Variants in TRIM9 observed in about 807,000 individuals in gnomAD.
The protein encoded by TRIM9 is E3 ubiquitin-protein ligase TRIM9.
TRIM9 carries 26 observed loss-of-function variants against 78.3 expected under a neutral mutation model. The ratio of observed to expected loss-of-function variants is 0.33; its 90% CI spans 0.24 to 0.46. TRIM9 has a LOEUF of 0.46. TRIM9 is among the 20% of genes least tolerant of loss of function. The pLI is 1.00. For synonymous variants in TRIM9, 398 were observed against 416.5 expected, an observed-to-expected ratio of 0.96 and a Z score of 0.54; for missense variants, 787 against 1,036.4, an observed-to-expected ratio of 0.76 and a Z score of 3.30.
At chr14:51,057,101 G>A (rs533090223) in intron 1 of TRIM9, among the ~76,000 whole-genome samples, 15 of 152,278 alleles carry the variant, frequency 9.9e-5, no homozygotes, top group African/African-American at 3.4e-4. Context: ...CATTATATCT[G>A]CATGGCCACA....
intron 1 of TRIM9, among the ~76,000 whole-genome samples, chr14:51,080,281 GA>G (rs2063177732): frequency 6.6e-6 from 1 of 151,684 alleles, no homozygotes; most frequent in African/African-American, 2.4e-5. Flanking sequence ...TTATAGTATA[GA>G]CATATATAAC....
At chr14:51,057,489 T>A (rs1429368251) in intron 1 of TRIM9, among the ~76,000 whole-genome samples, 2 of 152,232 alleles carry the variant, frequency 1.3e-5, no homozygotes, top group African/African-American at 2.4e-5. Flanking sequence ...GAATTTCCTA[T>A]CTTTTATATT....
At chr14:51,040,294 G>A (rs1296644698) in intron 1 of TRIM9, among the ~76,000 whole-genome samples, 1 of 152,038 alleles carries the variant, frequency 6.6e-6, no homozygotes, top group Non-Finnish European at 1.5e-5. Flanking sequence ...TTTGATGCTG[G>A]TGCCCCTCAC....
chr14:51,059,554 C>T (rs2061160602), intron 1 of TRIM9, among the ~76,000 whole-genome samples: 1 of 152,122 alleles, frequency 6.6e-6, no homozygotes, highest in South Asian at 2.1e-4. Flanking sequence ...AATCCCAGCA[C>T]TTTGGGAGGC....
chr14:50,977,378 G>A (rs1294460699), intron 12 of TRIM9, 25 bp from the exon 13 acceptor site: 2 of 1,498,314 alleles, frequency 1.3e-6, no homozygotes, highest in Non-Finnish European at 1.8e-6. Flanking sequence ...TGTGAGTCCT[G>A]AGAGGCATCG....
intron 11 of TRIM9, among the ~76,000 whole-genome samples, chr14:50,981,407 AT>A (rs774903608): frequency 2.0e-5 from 3 of 152,222 alleles, no homozygotes; most frequent in Non-Finnish European, 2.9e-5. Flanking sequence ...ACAAGGAAAA[AT>A]TTTATTGTAC....
At chr14:51,087,045 G>A (rs1460705374) in intron 1 of TRIM9, among the ~76,000 whole-genome samples, 1 of 152,124 alleles carries the variant, frequency 6.6e-6, no homozygotes, top group African/African-American at 2.4e-5. Context: ...CACTGCTGGT[G>A]CAGGTGTAAC....
intron 5 of TRIM9, among the ~76,000 whole-genome samples, chr14:51,002,284 G>A (rs1489924616): frequency 9.1e-6 from 1 of 110,106 alleles, no homozygotes; most frequent in Non-Finnish European, 2.2e-5. Context: ...ACCACGGCTG[G>A]CTGATTTTTT....
intron 12 of TRIM9, chr14:50,979,064 C>T (rs2051449540): frequency 7.6e-7 from 1 of 1,323,844 alleles, no homozygotes; most frequent in Non-Finnish European, 9.6e-7. Context: ...TATTTGTTTT[C>T]ATGCCAGTTG....
intron 1 of TRIM9, among the ~76,000 whole-genome samples, chr14:51,036,711 T>C (rs1474535323): frequency 6.6e-6 from 1 of 152,238 alleles, no homozygotes; most frequent in Non-Finnish European, 1.5e-5. Flanking sequence ...GTTGGTTGAA[T>C]CTATTTACGC....
chr14:51,033,963 T>G (rs1036896127), intron 1 of TRIM9, among the ~76,000 whole-genome samples: 2 of 152,250 alleles, frequency 1.3e-5, no homozygotes, highest in Non-Finnish European at 2.9e-5. Context: ...ATCATATACA[T>G]GTATCTGTCC....
chr14:51,021,802 T>C (rs559318223), intron 3 of TRIM9, among the ~76,000 whole-genome samples: 1 of 152,274 alleles, frequency 6.6e-6, no homozygotes, highest in Non-Finnish European at 1.5e-5. Flanking sequence ...AATGGGGTGA[T>C]AGATGGAATA....
In TRIM9 at chr14:51,014,906, G is replaced by A. The variant is rs572854636; in HGVS notation, c.1042-4412C>T. ...CCTTTTCTCAGGGACAGGGCAAGTT[G>A]CAGGAAGGACACAAACAGGGCCTAG... On this transcript the variant is annotated intron_variant, in intron 3 of 12. Transcript: ENST00000684578. Among the ~76,000 whole-genome samples, 5 of 152,270 alleles carry A rather than the reference G, an allele frequency of 3.3e-5. 1 individual carries two copies. In the South Asian group the frequency reaches 1.0e-3, roughly 32 times the overall value.
rs752131682 is a variant in TRIM9, at chr14:51,009,154, G to A, written c.1232C>T (p.Thr411Met). The change falls in exon 5 of 13, where the codon ACG (threonine) becomes ATG (methionine). Residue 411 changes from threonine to methionine, a missense_variant. Around this residue, in one of 3 missense-constraint regions of TRIM9, gnomAD observed 421 missense variants for 514.3 expected, o/e 0.82. Coordinates refer to ENST00000684578, the MANE Select transcript of TRIM9 (RefSeq NM_001387360.1). The part of the protein sequence containing the change: ...GKGTLTPRMT[T>M]DFDLSLDNSP... ...GTTGTCCAGACTCAAGTCAAAGTCC[G>A]TGGTCATCCTTGGAGTGAGTGTGCC... 1.1e-5 allele frequency: 18 copies of A among 1,613,962 alleles called. No homozygotes were observed. Among genetic ancestry groups the A allele is most frequent in the South Asian group, 9.9e-5 (9 of 91,088 alleles).
At chr14:50,992,017 G>A (rs370764204) in intron 7 of TRIM9, among the ~76,000 whole-genome samples, 4 of 152,236 alleles carry the variant, frequency 2.6e-5, no homozygotes, top group Admixed American at 6.5e-5. Context: ...CAAGGTTTGT[G>A]TAGAGGACCT....
chr14:51,073,631 G>A (rs1159752744), intron 1 of TRIM9, among the ~76,000 whole-genome samples: 1 of 152,214 alleles, frequency 6.6e-6, no homozygotes, highest in Non-Finnish European at 1.5e-5. Flanking sequence ...TGCCAAGAGT[G>A]TGGTGTGGGC....
At chr14:51,062,960 G>A (rs2061462781) in intron 1 of TRIM9, among the ~76,000 whole-genome samples, 1 of 152,122 alleles carries the variant, frequency 6.6e-6, no homozygotes. Context: ...GAGATATGTG[G>A]AGAAATAGAA....
intron 5 of TRIM9, among the ~76,000 whole-genome samples, chr14:51,004,304 C>T (rs17123409): frequency 0.037 from 5,657 of 152,278 alleles, 174 homozygotes; most frequent in African/African-American, 0.074. Context: ...CACTGACTTC[C>T]TTGAAGAGGT....
rs117037333 is a variant in TRIM9 at position 51,038,130 on chromosome 14, A to T, written c.823-12770T>A. 3.6e-3 allele frequency among the ~76,000 whole-genome samples: 543 copies of T among 152,340 alleles called. 8 individuals carry two copies. In the East Asian group the frequency reaches 0.036, roughly 10 times the overall value. The stretch of plus-strand genomic sequence containing the variant: ...TGAGATGGAGAGATTATCCTGGATT[A>T]TCTAGGTGGGCCCAATTTAATGACA... On this transcript the variant is annotated intron_variant, in intron 1 of 12. Transcript: ENST00000684578.
Sources: allele counts gnomAD v4.1 joint callset (sites outside exome capture counted in the v4.1 genomes callset), GRCh38; gene constraint gnomAD v4.1.1; regional missense constraint gnomAD v4.1.1; transcripts MANE v1.5; gene names NCBI Gene and HGNC (gene_info 2026-07-23, HGNC 2026-07-21).